Variants in INTS3 observed in about 807,000 individuals in gnomAD.
INTS3 encodes the protein integrator complex subunit 3, also known as SOSS complex subunit A.
A neutral mutation model predicts 146.3 loss-of-function variants in INTS3; 34 were observed. That is an observed-to-expected ratio of 0.23 (90% confidence interval 0.18 to 0.31). INTS3 has a LOEUF of 0.31. Among genes scored for constraint, INTS3 ranks in the 10% least tolerant of loss-of-function variants. INTS3 has a pLI of 1.00. For synonymous variants in INTS3, 475 were observed against 494.9 expected, an observed-to-expected ratio of 0.96 and a Z score of 0.53; for missense variants, 757 against 1,304.2, an observed-to-expected ratio of 0.58 and a Z score of 6.46.
In INTS3 at chr1:153,772,434, C is replaced by G; in HGVS notation, c.2815C>G (p.Gln939Glu). 2 of 1,614,192 alleles carry G rather than the reference C, an allele frequency of 1.2e-6. No individual in the cohort carries two copies. The highest frequency in any genetic ancestry group is 1.7e-6 in the Non-Finnish European group (2 of 1,180,042). ...GCGGCTCAACCTGACCAACACCAAG[C>G]AGAACTGTATGCCTTCCACCCTCGG... The part of the protein sequence containing the change: ...NLRLNLTNTK[Q>E]NFFSQTPILQ... Residue 939 changes from glutamine to glutamate, a missense_variant, in exon 27 of 30, where the codon CAG becomes GAG. This residue lies in a region of INTS3 where 125 missense variants were observed against 165.6 expected (regional missense o/e 0.75). Transcript: ENST00000318967. This position sits in a 1 kb window ranked among gnomAD's most constrained non-coding sequence, Gnocchi z 4.6.
At chr1:153,732,659 G>T (rs1671121419) in intron 1 of INTS3, among the ~76,000 whole-genome samples, 1 of 151,920 alleles carries the variant, frequency 6.6e-6, no homozygotes, top group South Asian at 2.1e-4. Context: ...CATTGGCTAG[G>T]CTGGTCTCAA....
At chr1:153,748,847 C>A in intron 6 of INTS3, 92 bp downstream of exon 6, 1 of 1,009,534 alleles carries the variant, frequency 9.9e-7, no homozygotes. Flanking sequence ...TTGTGTGGCC[C>A]AAGAACACCT....
chr1:153,761,135 G>A (rs1672367260), intron 13 of INTS3: 4 of 1,278,368 alleles, frequency 3.1e-6, no homozygotes, highest in Non-Finnish European at 4.2e-6. Context: ...CATGTTCCCT[G>A]TTGACCCCCT....
At chr1:153,754,416 C>T (rs1672084288) in intron 8 of INTS3, among the ~76,000 whole-genome samples, 2 of 152,152 alleles carry the variant, frequency 1.3e-5, no homozygotes, top group Non-Finnish European at 2.9e-5. Flanking sequence ...CAGCAGAAGA[C>T]AGGAAGTAAT....
At chr1:153,751,021 GC>G in intron 6 of INTS3, 73 bp from the exon 7 acceptor site, 1 of 1,483,898 alleles carries the variant, frequency 6.7e-7, no homozygotes, top group Non-Finnish European at 9.2e-7. Context: ...CTGTAGCCAA[GC>G]CCAAGAAGCG....
intron 8 of INTS3, among the ~76,000 whole-genome samples, chr1:153,752,830 A>G (rs1557998990): frequency 6.6e-6 from 1 of 152,130 alleles, no homozygotes; most frequent in Non-Finnish European, 1.5e-5. Context: ...CTCCCTGGGA[A>G]CAGTCTTGCC....
At chr1:153,770,755 C>T in intron 25 of INTS3, 22 bp downstream of exon 25, 2 of 1,595,606 alleles carry the variant, frequency 1.3e-6, no homozygotes, top group Non-Finnish European at 1.7e-6. Context: ...TTCTGGGGCT[C>T]TTTAGCCCTC....
chr1:153,768,460 C>T (rs1672685347), intron 21 of INTS3, among the ~76,000 whole-genome samples: 1 of 152,208 alleles, frequency 6.6e-6, no homozygotes, highest in African/African-American at 2.4e-5. Context: ...ACCCCACACA[C>T]CTCCAGACAT....
intron 9 of INTS3, among the ~76,000 whole-genome samples, chr1:153,756,450 C>T (rs1056205371): frequency 4.6e-5 from 7 of 150,902 alleles, no homozygotes; most frequent in African/African-American, 1.7e-4. Context: ...GGGAGGATTG[C>T]TTGAACCCAG....
At chr1:153,732,596 C>T (rs1671115311) in intron 1 of INTS3, among the ~76,000 whole-genome samples, 1 of 151,980 alleles carries the variant, frequency 6.6e-6, no homozygotes, top group Non-Finnish European at 1.5e-5. Context: ...CGGAAGCCCA[C>T]CACCACACCC....
intron 1 of INTS3, among the ~76,000 whole-genome samples, chr1:153,731,891 C>CT (rs1557984914): frequency 3.2e-5 from 4 of 123,704 alleles, no homozygotes; most frequent in Admixed American, 2.6e-4. Context: ...GGCCCCGCGT[C>CT]TTTTTTTAAC....
chr1:153,758,032 T>C (rs1008062408), intron 10 of INTS3, among the ~76,000 whole-genome samples: 2 of 152,192 alleles, frequency 1.3e-5, no homozygotes, highest in Non-Finnish European at 2.9e-5. Context: ...GTCCCTGCCT[T>C]TTTCATTTTT....
Position 153,770,058 on chromosome 1 carries a change from GGTGTGTGTGTGTGTGT to G in INTS3, c.2390-110_2390-95del, listed in dbSNP as rs55766761. On this transcript the variant is annotated intron_variant, in intron 23 of 29. Coordinates refer to ENST00000318967, the MANE Select transcript of INTS3 (RefSeq NM_023015.5). ...GGGGTGCTGGTAGTCAGTGGATTGG[GGTGTGTGTGTGTGTGT>G]GTGTGTGTGTGTGTGTGTGTGTGTG... 652 of 444,136 alleles carry G rather than the reference GGTGTGTGTGTGTGTGT, an allele frequency of 1.5e-3. 4 individuals carry two copies. Among genetic ancestry groups the G allele is most frequent in the African/African-American group, 0.013 (431 of 34,378 alleles). The allele number at this position is 444,136 out of a possible 1,614,324, so 27.5% of individuals were successfully genotyped here. A position where few individuals can be genotyped will look rare whatever the true frequency, so the allele number is the denominator to read the frequency against.
chr1:153,752,284 G>T lies in INTS3; in HGVS notation c.735G>T (p.Met245Ile), dbSNP rs1257776927. 1 of 1,613,298 alleles carries T rather than the reference G, an allele frequency of 6.2e-7. No homozygotes were observed. Among genetic ancestry groups the T allele is most frequent in the South Asian group, 1.1e-5 (1 of 90,958 alleles). ...ACTTCCTCTTCCCTATCAAGTTCAT[G>T]GAATGTCTGATGATTGGTCGGGATC... ...FCISLLRERFMECLMIGRDLV... is the reference protein window; with the variant it reads ...FCISLLRERFIECLMIGRDLV... Residue 245 changes from methionine to isoleucine, a missense_variant, in exon 8 of 30, where the codon ATG (methionine) becomes ATT (isoleucine). Around this residue, in one of 8 missense-constraint regions of INTS3, gnomAD observed 134 missense variants for 243.1 expected, o/e 0.55. Transcript: ENST00000318967.
chr1:153,737,889 G>A (rs1468237957), intron 1 of INTS3, among the ~76,000 whole-genome samples: 1 of 152,028 alleles, frequency 6.6e-6, no homozygotes, highest in African/African-American at 2.4e-5. Flanking sequence ...ATTTTGGGGG[G>A]ACATTTCAAA....
At chr1:153,760,007 G>A (rs1558003632) in intron 11 of INTS3, 3 of 508,848 alleles carry the variant, frequency 5.9e-6, no homozygotes, top group Admixed American at 3.3e-5. Context: ...GGAAATGGGG[G>A]GAATAGACAT....
At chr1:153,751,455 C>T (rs1415471758) in intron 7 of INTS3, among the ~76,000 whole-genome samples, 1 of 152,132 alleles carries the variant, frequency 6.6e-6, no homozygotes, top group Non-Finnish European at 1.5e-5. Context: ...AAGCTGGCAT[C>T]TTTGGGATTT....
chr1:153,761,071 C>T, intron 13 of INTS3, 153 bp downstream of exon 13: 1 of 1,447,750 alleles, frequency 6.9e-7, no homozygotes, highest in African/African-American at 1.4e-5. Context: ...GTCTTCTTGG[C>T]TCTTAGAGGA....
chr1:153,768,740 C>T (rs1206717018), intron 21 of INTS3, among the ~76,000 whole-genome samples, 153 bp from the exon 22 acceptor site: 1 of 152,170 alleles, frequency 6.6e-6, no homozygotes, highest in East Asian at 1.9e-4. Flanking sequence ...CTTCCAGCAT[C>T]ATAGCTGTTG....
Sources: gnomAD v4.1 joint callset for allele counts (sites outside exome capture counted in the v4.1 genomes callset) on GRCh38, gnomAD v4.1.1 for gene constraint, gnomAD v4.1.1 regional missense constraint, Gnocchi (gnomAD v3.1) non-coding constraint, MANE v1.5 for transcripts, NCBI Gene and HGNC (gene_info 2026-07-23, HGNC 2026-07-21) for gene names.